SH2D3A: variants seen among roughly 807,000 people sequenced by gnomAD.
SH2D3A encodes the protein SH2 domain containing 3A, also known as SH2 domain-containing protein 3A.
A neutral mutation model predicts 50.6 loss-of-function variants in SH2D3A; 46 were observed. That is an observed-to-expected ratio of 0.91 (90% CI 0.72 to 1.16). SH2D3A has a LOEUF of 1.16. Ranked by LOEUF, SH2D3A falls within the 50% of genes most tolerant of loss-of-function variation. SH2D3A has a pLI of 0.00. For synonymous variants in SH2D3A, 377 were observed against 348.4 expected, an observed-to-expected ratio of 1.08 and a Z score of -0.91; for missense variants, 783 against 786.2, an observed-to-expected ratio of 1.00 and a Z score of 0.05.
In SH2D3A at chr19:6,752,562, G is replaced by A. The variant is rs1255406938; in HGVS notation, c.*31C>T. 1 of 1,496,110 alleles carries A rather than the reference G, an allele frequency of 6.7e-7. No homozygotes were observed. The highest frequency in any genetic ancestry group is 2.4e-5 in the East Asian group (1 of 41,258). The allele number at this position is 1,496,110 out of a possible 1,614,324, so 92.7% of individuals were successfully genotyped here. ...TTCTGGGGTTCGCAAAAACCTGGGG[G>A]TCCCGGGTGTGAAGAAGGGTGTCTG... On this transcript the variant is annotated 3_prime_UTR_variant, in exon 10 of 10. Coordinates refer to ENST00000245908, the MANE Select transcript of SH2D3A (RefSeq NM_005490.3).
At position 6,763,813 on chromosome 19, in the gene SH2D3A, ACAT is replaced by A. The variant is rs1970161060; in HGVS notation, c.-68_-66del. On this transcript the variant is annotated splice_region_variant and 5_prime_UTR_variant, in exon 2 of 10. The change abolishes an upstream ATG in the 5' untranslated region. Transcript: ENST00000245908. ...CACTTTCAACAGGCCTCAGTCTTCC[ACAT>A]CTGTAAAAGGGGAATAATTAGCCCT... The A allele has an allele frequency of 2.2e-6, 3 of 1,364,580 alleles. No individual in the cohort carries two copies. The highest frequency in any genetic ancestry group is 3.1e-6 in the Non-Finnish European group (3 of 970,814). The allele number at this position is 1,364,580 out of a possible 1,614,324, so 84.5% of individuals were successfully genotyped here. A position where few individuals can be genotyped will look rare whatever the true frequency, so the allele number is the denominator to read the frequency against.
chr19:6,761,149 C>A, intron 2 of SH2D3A, 162 bp from the exon 3 acceptor site: 1 of 620,144 alleles, frequency 1.6e-6, no homozygotes, highest in South Asian at 2.0e-5. Flanking sequence ...TTCTGTCCCC[C>A]TTTCTCCTGG....
At chr19:6,763,906 T>A in intron 1 of SH2D3A, 90 bp from the exon 2 acceptor site, 17 of 72,392 alleles carry the variant, frequency 2.3e-4, no homozygotes, top group East Asian at 4.9e-4. Flanking sequence ...CCATCAAATC[T>A]TTTTTTTTTT....
intron 4 of SH2D3A, among the ~76,000 whole-genome samples, chr19:6,755,725 C>A (rs1599581811): frequency 1.3e-5 from 2 of 151,764 alleles, no homozygotes; most frequent in Admixed American, 1.3e-4. Flanking sequence ...AATTTGAATT[C>A]TTTGTTTTTG....
chr19:6,757,832 A>G (rs1969782859), intron 4 of SH2D3A: 2 of 152,086 alleles, frequency 1.3e-5, no homozygotes, highest in Admixed American at 1.3e-4. Flanking sequence ...AATCCCAGCT[A>G]CTCGGGAGGC....
intron 4 of SH2D3A, among the ~76,000 whole-genome samples, chr19:6,756,894 C>T (rs763098823): frequency 3.3e-5 from 5 of 151,916 alleles, no homozygotes; most frequent in Admixed American, 6.6e-5. Flanking sequence ...TCTTTCTTGA[C>T]GGAGTCTCAC....
At chr19:6,759,744 G>A in intron 3 of SH2D3A, 74 bp from the exon 4 acceptor site, 2 of 1,461,742 alleles carry the variant, frequency 1.4e-6, no homozygotes, top group South Asian at 1.2e-5. Flanking sequence ...GCAAAACCCT[G>A]TGTCCAGTTA....
intron 9 of SH2D3A, chr19:6,753,139 G>A: frequency 2.0e-6 from 2 of 985,350 alleles, no homozygotes; most frequent in Non-Finnish European, 2.4e-6. Flanking sequence ...TTTGGAGGGA[G>A]CAGGGCGTTC....
In SH2D3A at chr19:6,763,709, G is replaced by T; in HGVS notation, c.40C>A (p.Pro14Thr). ...PQDGEDLAGQ[P>T]WYHGLLSRQK... ...CGGGACAGGAGGCCGTGGTACCAAG[G>T]TTGGCCAGCAAGGTCTTCTCCATCC... The change falls in exon 2 of 10, where the codon CCT (proline) becomes ACT (threonine). Residue 14 changes from proline to threonine, a missense_variant. By Grantham distance (38) the Pro-to-Thr change is conservative. Coordinates refer to ENST00000245908, the MANE Select transcript of SH2D3A (RefSeq NM_005490.3). 1.9e-6 allele frequency: 3 copies of T among 1,612,752 alleles called. No individual in the cohort carries two copies. The highest frequency in any genetic ancestry group is 2.5e-6 in the Non-Finnish European group (3 of 1,179,676).
At chr19:6,766,523 G>A (rs969495454) in intron 1 of SH2D3A, among the ~76,000 whole-genome samples, 10 of 152,194 alleles carry the variant, frequency 6.6e-5, no homozygotes, top group African/African-American at 2.4e-4. Flanking sequence ...CGTGTGGGGA[G>A]GACGTGGAGG....
Position 6,763,678 on chromosome 19 carries a change from A to G in SH2D3A, c.69+2T>C. Reference sequence around the variant, plus strand: ...GTGCTGAGGTCCTGCTGTGGGTGGTACCTGGCGGGACAGGAGGCCGTGGTA... The same window carrying G: ...GTGCTGAGGTCCTGCTGTGGGTGGTGCCTGGCGGGACAGGAGGCCGTGGTA... On this transcript the variant is annotated splice_donor_variant, in intron 2 of 9. Transcript: ENST00000245908. LOFTEE classifies it high-confidence loss of function. The G allele has an allele frequency of 6.2e-7, 1 of 1,611,924 alleles. No individual in the cohort carries two copies. Among genetic ancestry groups the G allele is most frequent in the Non-Finnish European group, 8.5e-7 (1 of 1,179,404 alleles).
intron 9 of SH2D3A, 50 bp from the exon 10 acceptor site, chr19:6,752,803 G>GC (rs1263440851): frequency 6.8e-7 from 1 of 1,468,978 alleles, no homozygotes; most frequent in Non-Finnish European, 9.1e-7. Context: ...CGCCCGCCTC[G>GC]CCCCTCCCAA....
At chr19:6,753,112 TA>T in intron 9 of SH2D3A, 2 of 984,636 alleles carry the variant, frequency 2.0e-6, no homozygotes, top group Non-Finnish European at 2.4e-6. Context: ...TGCCCTAGGA[TA>T]GGACGGAGGA....
At chr19:6,765,173 G>A (rs538520194) in intron 1 of SH2D3A, among the ~76,000 whole-genome samples, 6 of 151,942 alleles carry the variant, frequency 3.9e-5, no homozygotes, top group African/African-American at 1.4e-4. Flanking sequence ...GAGCCACTGC[G>A]TCTGGCTGTG....
chr19:6,760,644 G>C lies in SH2D3A; in HGVS notation c.413C>G (p.Pro138Arg), dbSNP rs992257858. ...GCAGGGAGACTGTGAGTACCTGAGA[G>C]GCTCTATCCGAGCTGGGCCATCCAT... ...TLMDGPARIE[P>R]LRARKWSNSQ... Residue 138 changes from proline (P) to arginine (R), a missense_variant, in exon 3 of 10, where the codon CCT becomes CGT. Pro to Arg is a moderately radical substitution (Grantham distance 103, BLOSUM62 -2). Coordinates refer to ENST00000245908, the MANE Select transcript of SH2D3A (RefSeq NM_005490.3). 6.4e-7 allele frequency: 1 copy of C among 1,569,720 alleles called. No individual in the cohort carries two copies. The highest frequency in any genetic ancestry group is 2.3e-5 in the East Asian group (1 of 44,242).
chr19:6,755,272 A>G lies in SH2D3A; in HGVS notation c.540T>C (p.Ser180=). The G allele has an allele frequency of 6.6e-7, 1 of 1,522,854 alleles. No individual in the cohort carries two copies. Among genetic ancestry groups the G allele is most frequent in the East Asian group, 2.3e-5 (1 of 44,074 alleles). The allele number at this position is 1,522,854 out of a possible 1,614,324, so 94.3% of individuals were successfully genotyped here. Residue 180 remains serine (S), a synonymous_variant, in exon 5 of 10, where the codon AGT becomes AGC. Coordinates refer to ENST00000245908, the MANE Select transcript of SH2D3A (RefSeq NM_005490.3). The stretch of plus-strand genomic sequence containing the variant: ...CAGGGGCCTTCAGCAACACCGGGTC[A>G]CTGCTCGTTCGGGGCAAGGCAGATA... ...MPISALPRTS[S]DPVLLKAPAP... is the part of the protein sequence containing the mutation.
chr19:6,762,840 C>A (rs558787761), intron 2 of SH2D3A, among the ~76,000 whole-genome samples: 5 of 151,254 alleles, frequency 3.3e-5, no homozygotes, highest in Admixed American at 2.0e-4. Context: ...TGTTAAAGAT[C>A]GGGAGACTGA....
intron 4 of SH2D3A, among the ~76,000 whole-genome samples, chr19:6,757,136 A>T (rs1969732460): frequency 6.6e-6 from 1 of 151,370 alleles, no homozygotes; most frequent in East Asian, 2.0e-4. Flanking sequence ...AAGTGCTGGG[A>T]TTACAGGCTT....
intron 4 of SH2D3A, 66 bp from the exon 5 acceptor site, chr19:6,755,381 G>C (rs1969608154): frequency 1.7e-6 from 2 of 1,150,432 alleles, no homozygotes; most frequent in East Asian, 5.0e-5. Flanking sequence ...GCGGGGGTGA[G>C]AGCTTCATCG....
Sources: gnomAD v4.1 joint callset for allele counts (sites outside exome capture counted in the v4.1 genomes callset) on GRCh38, gnomAD v4.1.1 for gene constraint, MANE v1.5 for transcripts, NCBI Gene and HGNC (gene_info 2026-07-23, HGNC 2026-07-21) for gene names.